SMAD6: variants seen among roughly 807,000 people sequenced by gnomAD.
The protein encoded by SMAD6 is SMAD family member 6.
Under a neutral mutation model 39.4 loss-of-function variants are expected in SMAD6, and 103 were observed. The observed-to-expected ratio is 2.62, with a 90% CI of 2.23 to 3.08. The LOEUF is 3.08. Ranked by LOEUF, SMAD6 falls within the 30% of genes most tolerant of loss-of-function variation. The probability of loss-of-function intolerance (pLI) is 0.00; values close to 1 mark genes in which losing one functional copy is unlikely to be tolerated. For missense variants in SMAD6, 1,104 were observed against 742.9 expected (o/e 1.49, Z -5.65); for synonymous variants, 445 against 353.3 (o/e 1.26, Z -2.91).
intron 1 of SMAD6, chr15:66,704,643 A>G (rs1296833783): frequency 6.6e-6 from 1 of 152,220 alleles, no homozygotes; most frequent in Non-Finnish European, 1.5e-5. Flanking sequence ...CTCTGGAGTA[A>G]AGAGCACCCT....
rs1038109741 is a variant in SMAD6 at position 66,747,529 on chromosome 15, C to T, written c.952+31031C>T. ...TCAGGAGGCTGGGAGATGCTGATTG[C>T]AGAGCCCGCCTGGCATTGGCACCAC... On this transcript the variant is annotated intron_variant, in intron 3 of 3. Transcript: ENST00000288840. The surrounding 1 kb of genome is among the most constrained non-coding windows in gnomAD (Gnocchi z 4.5). Among the ~76,000 whole-genome samples the T allele has an allele frequency of 6.6e-6, 1 of 152,210 alleles. No homozygotes were observed. Among genetic ancestry groups the T allele is most frequent in the Non-Finnish European group, 1.5e-5 (1 of 68,030 alleles).
chr15:66,703,466 G>A lies in SMAD6; in HGVS notation c.208G>A (p.Asp70Asn), dbSNP rs1434901803. Residue 70 changes from aspartate (D) to asparagine (N), a missense_variant, in exon 1 of 4, where the codon GAC (aspartate) becomes AAC (asparagine). Transcript: ENST00000288840. ...VRPVAPRRPR[D>N]AVGQRGAQGA... ...CCCGGTAGCCCCGCGGCGGCCCCGG[G>A]ACGCAGTGGGACAGCGAGGCGCCCA... The A allele has an allele frequency of 2.4e-6, 3 of 1,249,068 alleles. No individual in the cohort carries two copies. The highest frequency in any genetic ancestry group is 1.6e-5 in the African/African-American group (1 of 64,012). The allele number at this position is 1,249,068 out of a possible 1,614,324, so 77.4% of individuals were successfully genotyped here. A position where few individuals can be genotyped will look rare whatever the true frequency, so the allele number is the denominator to read the frequency against.
At chr15:66,731,949 T>G (rs1893638714) in intron 3 of SMAD6, among the ~76,000 whole-genome samples, 1 of 151,392 alleles carries the variant, frequency 6.6e-6, no homozygotes, top group Non-Finnish European at 1.5e-5. Flanking sequence ...GTGACTTTTT[T>G]TTTTTTTTTT....
intron 3 of SMAD6, among the ~76,000 whole-genome samples, chr15:66,729,110 C>A (rs1204752723): frequency 6.6e-6 from 1 of 152,128 alleles, no homozygotes; most frequent in African/African-American, 2.4e-5. Context: ...GTCCCCAGTT[C>A]CCAAGTGGCA....
chr15:66,721,976 G>A (rs1410963436), intron 3 of SMAD6, among the ~76,000 whole-genome samples: 3 of 152,184 alleles, frequency 2.0e-5, no homozygotes, highest in Non-Finnish European at 4.4e-5. Context: ...AGCATTCCAG[G>A]TATAGCAGAT....
intron 3 of SMAD6, among the ~76,000 whole-genome samples, chr15:66,745,935 G>A (rs1567105964): frequency 6.6e-6 from 1 of 152,122 alleles, no homozygotes; most frequent in Non-Finnish European, 1.5e-5. Context: ...TCCCTCCCTT[G>A]TCCCCACTTC....
chr15:66,777,438 G>C (rs1332671319), intron 3 of SMAD6, among the ~76,000 whole-genome samples: 1 of 152,202 alleles, frequency 6.6e-6, no homozygotes, highest in African/African-American at 2.4e-5. Context: ...CTTGAGCCCA[G>C]GAGTTTAAGC....
At chr15:66,727,873 A>G (rs1893550686) in intron 3 of SMAD6, among the ~76,000 whole-genome samples, 1 of 150,924 alleles carries the variant, frequency 6.6e-6, no homozygotes, top group Admixed American at 6.6e-5. Context: ...TTTTTTAGAG[A>G]TAGAGTGTTG....
At chr15:66,704,418 C>T (rs758510542) in intron 1 of SMAD6, 40 of 214,240 alleles carry the variant, frequency 1.9e-4, no homozygotes, top group Admixed American at 3.5e-4. Context: ...GGTGCTATTT[C>T]CTCCTACCTC....
intron 3 of SMAD6, among the ~76,000 whole-genome samples, chr15:66,718,520 A>G (rs1413112836): frequency 6.6e-6 from 1 of 152,134 alleles, no homozygotes; most frequent in Non-Finnish European, 1.5e-5. Context: ...GAAATTGGGG[A>G]TTTCCTATGC....
chr15:66,710,140 G>A (rs1259904935), intron 1 of SMAD6, among the ~76,000 whole-genome samples: 2 of 152,156 alleles, frequency 1.3e-5, no homozygotes, highest in South Asian at 2.1e-4. Context: ...GGGAACATGC[G>A]CAAGTCAGTT....
intron 3 of SMAD6, among the ~76,000 whole-genome samples, chr15:66,759,852 T>C (rs1894167887): frequency 6.6e-6 from 1 of 152,206 alleles, no homozygotes; most frequent in South Asian, 2.1e-4. Context: ...CTGCCCTCTG[T>C]TGGGGTGTGC....
At chr15:66,724,382 A>T (rs562228048) in intron 3 of SMAD6, among the ~76,000 whole-genome samples, 1 of 152,292 alleles carries the variant, frequency 6.6e-6, no homozygotes, top group East Asian at 1.9e-4. Context: ...AAAGATCATC[A>T]CACATATTTA....
At chr15:66,774,600 C>A (rs535962873) in intron 3 of SMAD6, among the ~76,000 whole-genome samples, 1 of 152,132 alleles carries the variant, frequency 6.6e-6, no homozygotes, top group African/African-American at 2.4e-5. Flanking sequence ...CTGCTGGGGC[C>A]GCTCTAGGAC....
intron 3 of SMAD6, among the ~76,000 whole-genome samples, chr15:66,759,934 A>G (rs1261189508): frequency 2.0e-5 from 3 of 152,200 alleles, no homozygotes; most frequent in African/African-American, 2.4e-5. Context: ...CTGACCAGAT[A>G]GTCAAGGCCC....
At chr15:66,750,511 G>T (rs1893984427) in intron 3 of SMAD6, among the ~76,000 whole-genome samples, 1 of 152,206 alleles carries the variant, frequency 6.6e-6, no homozygotes, top group Non-Finnish European at 1.5e-5. Flanking sequence ...TTCTCACAGT[G>T]CTTCCCATCT....
intron 3 of SMAD6, among the ~76,000 whole-genome samples, chr15:66,740,168 G>A (rs1333039214): frequency 5.9e-5 from 9 of 152,204 alleles, no homozygotes; most frequent in East Asian, 1.9e-4. Flanking sequence ...ATGGCAGGCC[G>A]TGGCACTCAC....
intron 3 of SMAD6, among the ~76,000 whole-genome samples, chr15:66,759,045 GC>G (rs1894152295): frequency 6.6e-6 from 1 of 152,202 alleles, no homozygotes; most frequent in South Asian, 2.1e-4. Flanking sequence ...TGCCACTGTA[GC>G]CCGAGGACAT....
chr15:66,722,484 GCCT>G (rs1893451015), intron 3 of SMAD6, among the ~76,000 whole-genome samples: 4 of 151,322 alleles, frequency 2.6e-5, no homozygotes, highest in Admixed American at 2.6e-4. Context: ...TGCCCACTCT[GCCT>G]ATCCCCAGGG....
Sources: allele counts gnomAD v4.1 joint callset (sites outside exome capture counted in the v4.1 genomes callset), GRCh38; gene constraint gnomAD v4.1.1; non-coding constraint Gnocchi (gnomAD v3.1); transcripts MANE v1.5; gene names NCBI Gene and HGNC (gene_info 2026-07-23, HGNC 2026-07-21).